Variants in RAB8B observed in about 807,000 individuals in gnomAD.
The protein encoded by RAB8B is ras-related protein Rab-8B.
A neutral mutation model predicts 32.0 loss-of-function variants in RAB8B; 11 were observed. The ratio of observed to expected loss-of-function variants is 0.34; its 90% confidence interval spans 0.22 to 0.57. The LOEUF is 0.57. RAB8B is among the 20% of genes least tolerant of loss of function. The pLI, the probability that RAB8B is intolerant of heterozygous loss-of-function variation, is 0.86. For synonymous variants in RAB8B, 103 were observed against 89.6 expected (o/e 1.15, Z -0.85); for missense variants, 190 against 258.5 (o/e 0.73, Z 1.82).
chr15:63,266,518 A>C lies in RAB8B; in HGVS notation c.*2899A>C, dbSNP rs528637988. 1 of 152,536 alleles carries C rather than the reference A, an allele frequency of 6.6e-6. No homozygotes were observed. Among genetic ancestry groups the C allele is most frequent in the African/African-American group, 2.4e-5 (1 of 41,440 alleles). 9.4% of individuals were successfully genotyped at this position (152,536 alleles called of 1,614,324 possible). On this transcript the variant is annotated 3_prime_UTR_variant, in exon 8 of 8. Transcript: ENST00000321437. ...ACTATACTCTTTACTTTGAAGGTCT[A>C]TTTTTTAATTATACCTCATTTAGCT...
chr15:63,226,486 A>C (rs1365166443), intron 1 of RAB8B, among the ~76,000 whole-genome samples: 1 of 152,160 alleles, frequency 6.6e-6, no homozygotes, highest in Non-Finnish European at 1.5e-5. Context: ...TATGCAAAAT[A>C]GATTAAATAT....
intron 4 of RAB8B, among the ~76,000 whole-genome samples, chr15:63,255,802 C>T (rs1157585335): frequency 1.1e-4 from 17 of 152,156 alleles, no homozygotes; most frequent in Admixed American, 1.1e-3. Context: ...TAAGCTTGGG[C>T]CAGATATGGG....
chr15:63,214,190 G>C (rs2037771734), intron 1 of RAB8B, among the ~76,000 whole-genome samples: 1 of 152,038 alleles, frequency 6.6e-6, no homozygotes, highest in Admixed American at 6.6e-5. Context: ...TACAGTGTGG[G>C]AGGTAAAGGA....
intron 1 of RAB8B, chr15:63,223,140 C>T: frequency 2.3e-6 from 1 of 439,114 alleles, no homozygotes; most frequent in South Asian, 1.6e-5. Flanking sequence ...GAGACGGAAT[C>T]TTGCTCTGTC....
At chr15:63,246,353 C>T (rs945380458) in intron 2 of RAB8B, among the ~76,000 whole-genome samples, 6 of 152,192 alleles carry the variant, frequency 3.9e-5, no homozygotes, top group South Asian at 2.1e-4. Context: ...TAGGTTGTCA[C>T]CTCTACTTCT....
In RAB8B at chr15:63,231,958, G is replaced by C. The variant is rs1242468860; in HGVS notation, c.125-12798G>C. On this transcript the variant is annotated intron_variant, in intron 1 of 7. Transcript: ENST00000321437. ...TTGAAACACATTTCCTTTTCAAAGTGCAAGATTTGCAAAAGAGACTTGTCA... is the reference window on the plus strand; with the variant it reads ...TTGAAACACATTTCCTTTTCAAAGTCCAAGATTTGCAAAAGAGACTTGTCA... 3.3e-5 allele frequency among the ~76,000 whole-genome samples: 5 copies of C among 152,196 alleles called. No individual in the cohort carries two copies. In the East Asian group the frequency reaches 9.6e-4, roughly 29 times the overall value.
Position 63,235,974 on chromosome 15 carries a change from C to T in RAB8B, c.125-8782C>T, listed in dbSNP as rs116620659. 2.5e-3 allele frequency among the ~76,000 whole-genome samples: 381 copies of T among 152,254 alleles called. 2 individuals are homozygous for T. Among genetic ancestry groups the T allele is most frequent in the African/African-American group, 8.9e-3 (368 of 41,554 alleles). ...CCACCAAGATGTGGATGTTCTTGTA[C>T]GTCTCCCTTTGGGAAGGTCTGATCT... On this transcript the variant is annotated intron_variant, in intron 1 of 7. Coordinates refer to ENST00000321437, the MANE Select transcript of RAB8B (RefSeq NM_016530.3).
At position 63,196,585 on chromosome 15, in the gene RAB8B, C is replaced by G. The variant is rs886366931; in HGVS notation, c.124+6837C>G. On this transcript the variant is annotated intron_variant, in intron 1 of 7. Transcript: ENST00000321437. Reference sequence around the variant, plus strand: ...ATATTCGCCTTTTAAATCTCCAAGGCCTGTATTAAATGTCTGCACATTGGA... The same window carrying G: ...ATATTCGCCTTTTAAATCTCCAAGGGCTGTATTAAATGTCTGCACATTGGA... Among the ~76,000 whole-genome samples the G allele has an allele frequency of 4.6e-5, 7 of 152,198 alleles. No individual in the cohort carries two copies. In the East Asian group the frequency reaches 7.7e-4, roughly 17 times the overall value.
At chr15:63,213,833 A>G (rs2037767771) in intron 1 of RAB8B, among the ~76,000 whole-genome samples, 1 of 152,192 alleles carries the variant, frequency 6.6e-6, no homozygotes, top group South Asian at 2.1e-4. Context: ...CTGTAATCCC[A>G]GCACTTTGGG....
At chr15:63,214,267 G>A (rs996103851) in intron 1 of RAB8B, among the ~76,000 whole-genome samples, 3 of 150,700 alleles carry the variant, frequency 2.0e-5, no homozygotes, top group Non-Finnish European at 4.4e-5. Context: ...CCTTGGAAAT[G>A]GGTACGCTCA....
rs2038229291 is a variant in RAB8B at position 63,264,406 on chromosome 15, A to G, written c.*787A>G. The G allele has an allele frequency of 6.6e-6, 1 of 152,220 alleles. No homozygotes were observed. Among genetic ancestry groups the G allele is most frequent in the Non-Finnish European group, 1.5e-5 (1 of 68,046 alleles). The allele number at this position is 152,220 out of a possible 1,614,324, so 9.4% of individuals were successfully genotyped here. A position where few individuals can be genotyped will look rare whatever the true frequency, so the allele number is the denominator to read the frequency against. ...GTAATCACTCTTAAGTAATATTTGA[A>G]CATTATTATCTGTTTCTATTTGTGA... On this transcript the variant is annotated 3_prime_UTR_variant, in exon 8 of 8. Coordinates refer to ENST00000321437, the MANE Select transcript of RAB8B (RefSeq NM_016530.3).
intron 1 of RAB8B, among the ~76,000 whole-genome samples, chr15:63,202,875 A>G (rs1251275307): frequency 6.6e-6 from 1 of 152,266 alleles, no homozygotes; most frequent in African/African-American, 2.4e-5. Context: ...TGATCCAGAA[A>G]GCAGAGAAAC....
chr15:63,246,094 A>C (rs1324351887), intron 2 of RAB8B, among the ~76,000 whole-genome samples: 1 of 152,108 alleles, frequency 6.6e-6, no homozygotes, highest in African/African-American at 2.4e-5. Context: ...GCTGGTCTTG[A>C]ACTCCTGACC....
chr15:63,253,533 G>C (rs2038133678), intron 3 of RAB8B, among the ~76,000 whole-genome samples: 2 of 152,012 alleles, frequency 1.3e-5, no homozygotes, highest in African/African-American at 4.8e-5. Context: ...TGAAAGCAGG[G>C]AAGCTGGATG....
In RAB8B at chr15:63,254,188, C is replaced by T. The variant is rs183103492; in HGVS notation, c.247-1319C>T. Among the ~76,000 whole-genome samples, 592 of 152,256 alleles carry T rather than the reference C, an allele frequency of 3.9e-3. 3 individuals carry two copies. Among genetic ancestry groups the T allele is most frequent in the Non-Finnish European group, 5.6e-3 (381 of 68,018 alleles). On this transcript the variant is annotated intron_variant, in intron 3 of 7. Transcript: ENST00000321437. The stretch of plus-strand genomic sequence containing the variant: ...AGGTACCTGGGCTTCCCCTCTTCAC[C>T]GCAGCTCCTAGCCCTTTGCCTAGTT...
At chr15:63,208,860 C>T (rs1009325868) in intron 1 of RAB8B, among the ~76,000 whole-genome samples, 1 of 150,782 alleles carries the variant, frequency 6.6e-6, no homozygotes, top group Admixed American at 6.6e-5. Context: ...GAACCGTCTT[C>T]CTTTGCTTCC....
chr15:63,212,828 A>T, intron 1 of RAB8B, among the ~76,000 whole-genome samples: 1 of 152,224 alleles, frequency 6.6e-6, no homozygotes, highest in East Asian at 1.9e-4. Context: ...TCATCCACAG[A>T]TGTCCGTATG....
chr15:63,214,286 CTTTTTTT>C (rs34415858), intron 1 of RAB8B, among the ~76,000 whole-genome samples: 1 of 95,650 alleles, frequency 1.0e-5, no homozygotes, highest in Non-Finnish European at 2.1e-5. Context: ...CAGTTTCTTT[CTTTTTTT>C]TTTTTTTTTT....
chr15:63,212,454 A>G lies in RAB8B; in HGVS notation c.124+22706A>G, dbSNP rs139159575. On this transcript the variant is annotated intron_variant, in intron 1 of 7. Coordinates refer to ENST00000321437, the MANE Select transcript of RAB8B (RefSeq NM_016530.3). ...TTTGTACTAGAAAATGTCACTTTCAATTAGGGGAGGGGAAATTCTGATTGG... is the reference window on the plus strand; with the variant it reads ...TTTGTACTAGAAAATGTCACTTTCAGTTAGGGGAGGGGAAATTCTGATTGG... 2.7e-3 allele frequency among the ~76,000 whole-genome samples: 404 copies of G among 152,270 alleles called. 4 individuals are homozygous for G. The highest frequency in any genetic ancestry group is 8.9e-3 in the African/African-American group (369 of 41,550).
Sources: allele counts gnomAD v4.1 joint callset (sites outside exome capture counted in the v4.1 genomes callset), GRCh38; gene constraint gnomAD v4.1.1; transcripts MANE v1.5; gene names NCBI Gene and HGNC (gene_info 2026-07-23, HGNC 2026-07-21).